SEMA6D: variants seen among roughly 807,000 people sequenced by gnomAD.
SEMA6D encodes semaphorin-6D.
In SEMA6D, 35 loss-of-function variants were observed where a neutral mutation model predicts 106.6. The observed-to-expected ratio is 0.33, with a 90% CI of 0.25 to 0.44. The LOEUF (loss-of-function observed/expected upper bound fraction) is 0.44, where lower values mean the gene tolerates loss of function less well. SEMA6D is among the 20% of genes least tolerant of loss of function. The pLI, the probability that SEMA6D is intolerant of heterozygous loss-of-function variation, is 1.00. For synonymous variants in SEMA6D, 499 were observed against 487.7 expected (o/e 1.02, Z -0.31); for missense variants, 1,185 against 1,345.9 (o/e 0.88, Z 1.87).
At chr15:47,635,982 C>G (rs1870695631) in intron 4 of SEMA6D, among the ~76,000 whole-genome samples, 1 of 151,334 alleles carries the variant, frequency 6.6e-6, no homozygotes, top group African/African-American at 2.4e-5. Flanking sequence ...AAAAATTTTA[C>G]CGAAGAGAAT....
At chr15:47,446,307 G>A (rs966445614) in intron 2 of SEMA6D, among the ~76,000 whole-genome samples, 3 of 152,148 alleles carry the variant, frequency 2.0e-5, no homozygotes, top group Non-Finnish European at 4.4e-5. Context: ...GGAAGCCAGC[G>A]CATACCAGTG....
At chr15:47,567,645 T>A (rs934753465) in intron 3 of SEMA6D, among the ~76,000 whole-genome samples, 5 of 152,216 alleles carry the variant, frequency 3.3e-5, no homozygotes, top group Non-Finnish European at 7.3e-5. Flanking sequence ...CTATTCTCTG[T>A]TTTCCTTCAA....
intron 4 of SEMA6D, among the ~76,000 whole-genome samples, chr15:47,627,048 A>C (rs979406816): frequency 6.6e-6 from 1 of 152,116 alleles, no homozygotes; most frequent in African/African-American, 2.4e-5. Flanking sequence ...AGAGAATGTG[A>C]CCCATCACCA....
intron 4 of SEMA6D, among the ~76,000 whole-genome samples, chr15:47,708,708 G>C (rs2078960368): frequency 6.6e-6 from 1 of 152,160 alleles, no homozygotes; most frequent in African/African-American, 2.4e-5. Flanking sequence ...GCTCTGTCTA[G>C]TAAGTAATAA....
chr15:47,367,721 CACACACAGAG>C (rs1415634821), intron 1 of SEMA6D, among the ~76,000 whole-genome samples: 11 of 21,650 alleles, frequency 5.1e-4, no homozygotes, highest in African/African-American at 1.1e-3. Context: ...CACACACACA[CACACACAGAG>C]AGAGAGAAAG....
At chr15:47,535,944 T>C (rs942988452) in intron 3 of SEMA6D, among the ~76,000 whole-genome samples, 14 of 152,222 alleles carry the variant, frequency 9.2e-5, no homozygotes, top group African/African-American at 3.4e-4. Flanking sequence ...TTGTCTTGGC[T>C]TCATGGGGAG....
intron 3 of SEMA6D, among the ~76,000 whole-genome samples, chr15:47,540,635 A>G (rs2045327199): frequency 6.6e-6 from 1 of 152,160 alleles, no homozygotes; most frequent in South Asian, 2.1e-4. Flanking sequence ...GAATAGAAGA[A>G]TGAAGAGAGA....
At chr15:47,743,016 C>A (rs2080907853) in intron 1 of SEMA6D, among the ~76,000 whole-genome samples, 1 of 152,148 alleles carries the variant, frequency 6.6e-6, no homozygotes, top group African/African-American at 2.4e-5. Flanking sequence ...AAGCAACATT[C>A]TTTTTTCTCT....
At chr15:47,744,550 C>T (rs1337336319) in intron 1 of SEMA6D, among the ~76,000 whole-genome samples, 1 of 152,110 alleles carries the variant, frequency 6.6e-6, no homozygotes, top group African/African-American at 2.4e-5. Context: ...CCGTATTTCC[C>T]AAGGACACAT....
intron 2 of SEMA6D, among the ~76,000 whole-genome samples, chr15:47,448,892 A>G (rs2140902381): frequency 6.6e-6 from 1 of 152,154 alleles, no homozygotes; most frequent in South Asian, 2.1e-4. Flanking sequence ...CCTGTTCAGA[A>G]CTTTCTGGGA....
At chr15:47,586,636 C>T (rs1441147851) in intron 3 of SEMA6D, among the ~76,000 whole-genome samples, 1 of 152,070 alleles carries the variant, frequency 6.6e-6, no homozygotes, top group South Asian at 2.1e-4. Context: ...TTTCGGAAAC[C>T]AACAGCATTT....
intron 1 of SEMA6D, among the ~76,000 whole-genome samples, chr15:47,337,986 A>C (rs904983602): frequency 3.3e-5 from 5 of 152,206 alleles, no homozygotes; most frequent in Non-Finnish European, 7.3e-5. Flanking sequence ...CATCTAGAAA[A>C]ACTGAGACTA....
At chr15:47,441,560 A>G (rs910204297) in intron 2 of SEMA6D, among the ~76,000 whole-genome samples, 7 of 152,124 alleles carry the variant, frequency 4.6e-5, no homozygotes, top group Non-Finnish European at 7.4e-5. Flanking sequence ...GGAGTTTCAA[A>G]ATACACAGTA....
chr15:47,766,225 C>T (rs1597080856), intron 15 of SEMA6D, 43 bp downstream of exon 15: 1 of 1,529,996 alleles, frequency 6.5e-7, no homozygotes, highest in African/African-American at 1.4e-5. Context: ...ACTATCCTCT[C>T]CAGGGTCTCT....
rs150370114 is a variant in SEMA6D, at chr15:47,564,707, G to A, written c.-86-36158G>A. Among the ~76,000 whole-genome samples the A allele has an allele frequency of 9.8e-3, 1,492 of 152,218 alleles. 10 individuals carry two copies. Among genetic ancestry groups the A allele is most frequent in the Admixed American group, 0.021 (319 of 15,298 alleles). On this transcript the variant is annotated intron_variant, in intron 3 of 19. Transcript: ENST00000558014. ...CCTGGTGAAACCCTTAAGCTGAAAA[G>A]CCTGAGACCATGGCCCAAAGTGAGA... is the stretch of plus-strand genomic sequence containing the variant.
intron 3 of SEMA6D, chr15:47,581,233 A>G: frequency 2.5e-6 from 1 of 397,742 alleles, no homozygotes; most frequent in Non-Finnish European, 4.9e-6. Flanking sequence ...TCCCTGATGA[A>G]GTTTTTGCAT....
intron 4 of SEMA6D, among the ~76,000 whole-genome samples, chr15:47,631,175 T>C (rs2077286616): frequency 6.6e-6 from 1 of 151,912 alleles, no homozygotes; most frequent in Non-Finnish European, 1.5e-5. Context: ...TTAGTGTTAA[T>C]TCTTCTGTAA....
At chr15:47,566,330 A>G (rs2046228438) in intron 3 of SEMA6D, among the ~76,000 whole-genome samples, 1 of 152,230 alleles carries the variant, frequency 6.6e-6, no homozygotes, top group Non-Finnish European at 1.5e-5. Flanking sequence ...TCCTTCTTCC[A>G]GTAGTAATGA....
intron 1 of SEMA6D, among the ~76,000 whole-genome samples, chr15:47,270,024 T>C (rs1167903999): frequency 1.3e-5 from 2 of 151,582 alleles, no homozygotes. Flanking sequence ...TCTTTAGTTC[T>C]CTCAGATACG....
Sources: allele counts gnomAD v4.1 joint callset (sites outside exome capture counted in the v4.1 genomes callset), GRCh38; gene constraint gnomAD v4.1.1; transcripts MANE v1.5; gene names NCBI Gene and HGNC (gene_info 2026-07-23, HGNC 2026-07-21).